Variants in WWOX observed in about 807,000 individuals in gnomAD.
WWOX encodes the protein WW domain-containing oxidoreductase.
Under a neutral mutation model 46.2 loss-of-function variants are expected in WWOX, and 69 were observed. The ratio of observed to expected loss-of-function variants is 1.49; its 90% CI spans 1.23 to 1.82. The LOEUF (loss-of-function observed/expected upper bound fraction) is 1.82. Among genes scored for constraint, WWOX ranks in the 40% most tolerant of loss-of-function variants. WWOX has a pLI of 0.00. For missense variants in WWOX, 919 were observed against 542.6 expected, an observed-to-expected ratio of 1.69 and a Z score of -6.89; for synonymous variants, 359 against 202.6, an observed-to-expected ratio of 1.77 and a Z score of -6.56.
At chr16:79,031,881 G>T in intron 8 of WWOX, among the ~76,000 whole-genome samples, 2 of 48,058 alleles carry the variant, frequency 4.2e-5, no homozygotes, top group East Asian at 1.6e-3. Context: ...TCTATATACA[G>T]ATATCTGTAT....
At chr16:78,675,118 C>G (rs1011453859) in intron 8 of WWOX, among the ~76,000 whole-genome samples, 1 of 152,112 alleles carries the variant, frequency 6.6e-6, no homozygotes, top group Admixed American at 6.5e-5. Context: ...CATAGATGAT[C>G]GGATCCTCAT....
At chr16:78,798,877 T>G (rs1216129413) in intron 8 of WWOX, among the ~76,000 whole-genome samples, 1 of 152,206 alleles carries the variant, frequency 6.6e-6, no homozygotes, top group African/African-American at 2.4e-5. Context: ...TTAGGCAGTG[T>G]CCTTTTCTCC....
intron 8 of WWOX, among the ~76,000 whole-genome samples, chr16:79,033,910 G>C (rs1053372069): frequency 6.6e-6 from 1 of 152,218 alleles, no homozygotes; most frequent in Non-Finnish European, 1.5e-5. Context: ...AACAGGCATA[G>C]CTGGCTGGCT....
chr16:79,064,883 G>C (rs1187843790), intron 8 of WWOX, among the ~76,000 whole-genome samples: 2 of 152,310 alleles, frequency 1.3e-5, no homozygotes, highest in East Asian at 3.9e-4. Flanking sequence ...AGAATGTGCT[G>C]GGAGGATACT....
At chr16:78,971,064 T>C (rs1220034596) in intron 8 of WWOX, among the ~76,000 whole-genome samples, 1 of 151,986 alleles carries the variant, frequency 6.6e-6, no homozygotes, top group African/African-American at 2.4e-5. Flanking sequence ...TGTATATATA[T>C]ATGTATACAT....
chr16:78,373,409 G>C (rs760867737), intron 5 of WWOX, among the ~76,000 whole-genome samples: 5 of 152,178 alleles, frequency 3.3e-5, no homozygotes, highest in Non-Finnish European at 7.3e-5. Context: ...GAAGGTTGAA[G>C]TATGGGGAAC....
rs375803465 is a variant in WWOX at position 78,537,029 on chromosome 16, G to A, written c.1056+104277G>A. ...CCTCTCAGGTTCAAGCAATTATCAGGCCTCAACGTCCTGAGAAGCTGGGAC... is the reference window on the plus strand; with the variant it reads ...CCTCTCAGGTTCAAGCAATTATCAGACCTCAACGTCCTGAGAAGCTGGGAC... On this transcript the variant is annotated intron_variant, in intron 8 of 8. Coordinates refer to ENST00000566780, the MANE Select transcript of WWOX (RefSeq NM_016373.4). Among the ~76,000 whole-genome samples the A allele has an allele frequency of 4.0e-5, 6 of 151,548 alleles. No homozygotes were observed. The East Asian group carries it at 9.7e-4, about 25-fold the overall frequency.
At chr16:79,187,596 A>G (rs1055796160) in intron 8 of WWOX, among the ~76,000 whole-genome samples, 1 of 152,164 alleles carries the variant, frequency 6.6e-6, no homozygotes, top group African/African-American at 2.4e-5. Context: ...TAGTGGAGAC[A>G]GGGTTTCACC....
chr16:78,453,092 G>T (rs930622125), intron 8 of WWOX, among the ~76,000 whole-genome samples: 1 of 151,984 alleles, frequency 6.6e-6, no homozygotes, highest in African/African-American at 2.4e-5. Flanking sequence ...TGTTGGCCAG[G>T]CTGCAGCTAT....
chr16:78,723,583 T>C (rs1257961898), intron 8 of WWOX, among the ~76,000 whole-genome samples: 3 of 31,108 alleles, frequency 9.6e-5, no homozygotes, highest in Non-Finnish European at 1.7e-4. Flanking sequence ...TTTTCTTTTC[T>C]TTTCTTTTCT....
chr16:79,032,083 A>T (rs2047773053), intron 8 of WWOX, among the ~76,000 whole-genome samples: 1 of 144,492 alleles, frequency 6.9e-6, no homozygotes, highest in Non-Finnish European at 1.5e-5. Context: ...ATATATATAA[A>T]ATATATATTA....
intron 6 of WWOX, among the ~76,000 whole-genome samples, chr16:78,408,845 G>A (rs957758440): frequency 6.6e-6 from 1 of 152,286 alleles, no homozygotes; most frequent in South Asian, 2.1e-4. Context: ...GAGGGATTCT[G>A]TGAGCCCCAT....
Position 78,972,464 on chromosome 16 carries a change from A to G in WWOX, c.1057-239144A>G, listed in dbSNP as rs923942926. The stretch of plus-strand genomic sequence containing the variant: ...AGTCACTGGAAGGAAGTCAGCAAGC[A>G]GGGGTGAAAAAAAAAAAAAATAAAA... On this transcript the variant is annotated intron_variant, in intron 8 of 8. Transcript: ENST00000566780. Among the ~76,000 whole-genome samples the G allele has an allele frequency of 1.1e-4, 10 of 87,560 alleles. No homozygotes were observed. In the East Asian group the frequency reaches 4.6e-3, roughly 40 times the overall value. 57.4% of individuals were successfully genotyped at this position (87,560 alleles called of 152,430 possible). A position where few individuals can be genotyped will look rare whatever the true frequency, so the allele number is the denominator to read the frequency against.
intron 8 of WWOX, among the ~76,000 whole-genome samples, chr16:78,456,260 G>C (rs1201850992): frequency 6.6e-6 from 1 of 152,172 alleles, no homozygotes; most frequent in Non-Finnish European, 1.5e-5. Context: ...GACACCAAAA[G>C]AGAGGCTGGA....
At chr16:78,359,357 TG>T (rs2081362398) in intron 5 of WWOX, among the ~76,000 whole-genome samples, 1 of 152,216 alleles carries the variant, frequency 6.6e-6, no homozygotes, top group South Asian at 2.1e-4. Context: ...TAATTAGTAA[TG>T]TAGCATATAC....
At chr16:78,474,130 T>C (rs1329936862) in intron 8 of WWOX, among the ~76,000 whole-genome samples, 2 of 152,230 alleles carry the variant, frequency 1.3e-5, no homozygotes, top group Non-Finnish European at 2.9e-5. Context: ...AAAATGACTG[T>C]TACACGTTTA....
intron 8 of WWOX, among the ~76,000 whole-genome samples, chr16:78,642,480 G>T (rs2046743492): frequency 6.6e-6 from 1 of 152,100 alleles, no homozygotes; most frequent in African/African-American, 2.4e-5. Context: ...TGAGCTCCAT[G>T]TATGTGCACC....
In WWOX at chr16:78,326,392, A is replaced by C. The variant is rs544134081; in HGVS notation, c.517-60468A>C. 6.6e-5 allele frequency among the ~76,000 whole-genome samples: 10 copies of C among 152,266 alleles called. No homozygotes were observed. The South Asian group carries it at 1.2e-3, about 19-fold the overall frequency. On this transcript the variant is annotated intron_variant, in intron 5 of 8. Coordinates refer to ENST00000566780, the MANE Select transcript of WWOX (RefSeq NM_016373.4). ...ATATTCTGCCACCCCTATCATACTT[A>C]GGAAAATGCCAGGTTGTAATCATTC...
intron 8 of WWOX, among the ~76,000 whole-genome samples, chr16:78,728,055 CTT>C (rs758484198): frequency 1.6e-3 from 140 of 86,740 alleles, no homozygotes; most frequent in African/African-American, 8.2e-3. Flanking sequence ...TCCCTCCTTC[CTT>C]TTTTTTTTTT....
Sources: gnomAD v4.1 joint callset for allele counts (sites outside exome capture counted in the v4.1 genomes callset) on GRCh38, gnomAD v4.1.1 for gene constraint, MANE v1.5 for transcripts, NCBI Gene and HGNC (gene_info 2026-07-23, HGNC 2026-07-21) for gene names.